The following WDR64 variants were observed in gnomAD, a reference collection of about 807,000 sequenced individuals.
The protein encoded by WDR64 is WD repeat domain 64, also known as WD repeat-containing protein 64.
WDR64 carries 112 observed loss-of-function variants against 139.3 expected under a neutral mutation model. The ratio of observed to expected loss-of-function variants is 0.80; its 90% CI spans 0.69 to 0.94. The LOEUF (loss-of-function observed/expected upper bound fraction) is 0.94. Among genes scored for constraint, WDR64 ranks in the 40% least tolerant of loss-of-function variants. WDR64 has a pLI of 0.00. For synonymous variants in WDR64, 444 were observed against 437.7 expected, an observed-to-expected ratio of 1.01 and a Z score of -0.18; for missense variants, 1,206 against 1,293.1, an observed-to-expected ratio of 0.93 and a Z score of 1.03.
intron 18 of WDR64, among the ~76,000 whole-genome samples, chr1:241,770,909 T>C (rs1658403973): frequency 6.6e-6 from 1 of 152,216 alleles, no homozygotes. Context: ...ATATATTTTT[T>C]CAAAGTTTTT....
At chr1:241,762,545 T>C (rs1657962790) in intron 15 of WDR64, among the ~76,000 whole-genome samples, 1 of 152,114 alleles carries the variant, frequency 6.6e-6, no homozygotes, top group Non-Finnish European at 1.5e-5. Context: ...ACGAGGATCT[T>C]CACTAACTTT....
chr1:241,720,615 C>A (rs1668572527), intron 9 of WDR64, among the ~76,000 whole-genome samples: 1 of 152,030 alleles, frequency 6.6e-6, no homozygotes, highest in South Asian at 2.1e-4. Flanking sequence ...TCAGGAGTAT[C>A]TGTTCATGTC....
chr1:241,681,234 A>G (rs1666779449), intron 6 of WDR64, among the ~76,000 whole-genome samples: 1 of 152,154 alleles, frequency 6.6e-6, no homozygotes, highest in African/African-American at 2.4e-5. Context: ...AGCAGTATGT[A>G]CTGAACCCAA....
At chr1:241,670,854 G>A (rs949609713) in intron 2 of WDR64, among the ~76,000 whole-genome samples, 4 of 152,168 alleles carry the variant, frequency 2.6e-5, no homozygotes, top group Admixed American at 6.5e-5. Flanking sequence ...GCCCTGGTCC[G>A]TGGAAAAAGT....
At chr1:241,793,075 T>C (rs1335169353) in intron 25 of WDR64, among the ~76,000 whole-genome samples, 1 of 152,202 alleles carries the variant, frequency 6.6e-6, no homozygotes, top group Non-Finnish European at 1.5e-5. Flanking sequence ...GAAACGCTCA[T>C]CTACAGGAAT....
At chr1:241,745,237 T>A (rs1207563174) in intron 13 of WDR64, among the ~76,000 whole-genome samples, 2 of 152,082 alleles carry the variant, frequency 1.3e-5, no homozygotes, top group African/African-American at 4.8e-5. Context: ...AGTTGATGAC[T>A]CGAGTGAGCA....
At chr1:241,683,439 T>C in intron 6 of WDR64, 48 bp from the exon 7 acceptor site, 2 of 1,521,916 alleles carry the variant, frequency 1.3e-6, no homozygotes, top group Non-Finnish European at 1.8e-6. Context: ...AAATATTTAT[T>C]GAACAGAGCA....
intron 25 of WDR64, among the ~76,000 whole-genome samples, chr1:241,791,544 C>T (rs2148329320): frequency 6.6e-6 from 1 of 152,102 alleles, no homozygotes; most frequent in East Asian, 1.9e-4. Flanking sequence ...GGTGACAGTC[C>T]ACCTGTCGTC....
Position 241,660,663 on chromosome 1 carries a change from A to C in WDR64, c.276+3A>C. On this transcript the variant is annotated splice_donor_region_variant and intron_variant, in intron 2 of 27. Transcript: ENST00000437684. ...ATGCATCTGCAGACTGGTGTGAGGT[A>C]GACTCATTTCATGTTCATAATATGA... 1 of 1,549,134 alleles carries C rather than the reference A, an allele frequency of 6.5e-7. No homozygotes were observed. Among genetic ancestry groups the C allele is most frequent in the Non-Finnish European group, 8.7e-7 (1 of 1,146,094 alleles).
chr1:241,660,703 T>A, intron 2 of WDR64, 43 bp downstream of exon 2: 6 of 1,541,354 alleles, frequency 3.9e-6, no homozygotes, highest in Non-Finnish European at 4.4e-6. Context: ...CAGGTATTAT[T>A]TTTCTAAGTT....
intron 2 of WDR64, among the ~76,000 whole-genome samples, chr1:241,663,242 G>A (rs1016861273): frequency 1.3e-5 from 2 of 152,262 alleles, no homozygotes; most frequent in Admixed American, 6.5e-5. Context: ...TTGACTTAAA[G>A]TTTAATCTCA....
intron 8 of WDR64, among the ~76,000 whole-genome samples, chr1:241,707,477 G>A (rs1233863073): frequency 6.6e-6 from 1 of 152,156 alleles, no homozygotes; most frequent in Admixed American, 6.5e-5. Flanking sequence ...CATATTACAA[G>A]CCTAAGCCTT....
intron 21 of WDR64, among the ~76,000 whole-genome samples, chr1:241,779,492 A>G (rs1574091566): frequency 6.6e-6 from 1 of 152,158 alleles, no homozygotes; most frequent in East Asian, 1.9e-4. Context: ...CAATCTCATT[A>G]AGACTTACCA....
chr1:241,800,481 TG>T (rs1448396908), intron 27 of WDR64, among the ~76,000 whole-genome samples: 1 of 152,168 alleles, frequency 6.6e-6, no homozygotes, highest in East Asian at 1.9e-4. Context: ...AAATAATCAA[TG>T]CAAAACAAAC....
At chr1:241,765,523 G>A (rs766567098) in intron 15 of WDR64, among the ~76,000 whole-genome samples, 3 of 152,208 alleles carry the variant, frequency 2.0e-5, no homozygotes, top group Non-Finnish European at 2.9e-5. Context: ...AGTCAAGGAC[G>A]TCAGGAGAGT....
intron 27 of WDR64, among the ~76,000 whole-genome samples, chr1:241,800,121 TAAAA>T (rs1659479641): frequency 6.6e-6 from 1 of 151,978 alleles, no homozygotes; most frequent in South Asian, 2.1e-4. Context: ...AAAGAGAAAA[TAAAA>T]GAAAGATCTG....
chr1:241,689,192 A>G (rs1028893413), intron 8 of WDR64, among the ~76,000 whole-genome samples: 3 of 152,146 alleles, frequency 2.0e-5, no homozygotes, highest in Non-Finnish European at 4.4e-5. Flanking sequence ...GCTTACTGAC[A>G]TGTTACTAAT....
intron 9 of WDR64, among the ~76,000 whole-genome samples, chr1:241,720,344 G>C (rs143386109): frequency 6.6e-6 from 1 of 152,114 alleles, no homozygotes; most frequent in African/African-American, 2.4e-5. Flanking sequence ...GGGTCAAATG[G>C]TATTTCTGTC....
chr1:241,781,347 C>T (rs1048199505), intron 22 of WDR64, among the ~76,000 whole-genome samples: 1 of 152,110 alleles, frequency 6.6e-6, no homozygotes, highest in African/African-American at 2.4e-5. Flanking sequence ...CTTTTCTGTA[C>T]TCAGACAATG....
Sources: gnomAD v4.1 joint callset for allele counts (sites outside exome capture counted in the v4.1 genomes callset) on GRCh38, gnomAD v4.1.1 for gene constraint, MANE v1.5 for transcripts, NCBI Gene and HGNC (gene_info 2026-07-23, HGNC 2026-07-21) for gene names.